BTRC: variants seen among roughly 807,000 people sequenced by gnomAD.
The protein encoded by BTRC is beta-transducin repeat containing E3 ubiquitin protein ligase.
Under a neutral mutation model 85.5 loss-of-function variants are expected in BTRC, and 42 were observed. The ratio of observed to expected loss-of-function variants is 0.49; its 90% CI spans 0.38 to 0.64. The LOEUF is 0.64. BTRC is among the 30% of genes least tolerant of loss of function. The pLI is 0.00. For missense variants in BTRC, 594 were observed against 743.5 expected (o/e 0.80, Z 2.34); for synonymous variants, 255 against 263.3 (o/e 0.97, Z 0.30).
intron 2 of BTRC, among the ~76,000 whole-genome samples, chr10:101,448,555 G>A (rs943613036): frequency 1.7e-4 from 26 of 152,114 alleles, no homozygotes; most frequent in Middle Eastern, 3.4e-3. Context: ...AAATCCTTAA[G>A]CCAATACTAC....
intron 1 of BTRC, among the ~76,000 whole-genome samples, chr10:101,356,143 C>T (rs1370526483): frequency 1.3e-5 from 2 of 152,204 alleles, no homozygotes; most frequent in Non-Finnish European, 2.9e-5. Flanking sequence ...GCTAGAACTA[C>T]AGGTGTGGGC....
intron 6 of BTRC, 57 bp from the exon 7 acceptor site, chr10:101,531,180 A>G: frequency 7.4e-7 from 1 of 1,349,826 alleles, no homozygotes; most frequent in Non-Finnish European, 1.0e-6. Context: ...CAAAATATAT[A>G]TGTATTTAAA....
At chr10:101,397,503 A>AT (rs1943393747) in intron 1 of BTRC, among the ~76,000 whole-genome samples, 1 of 152,196 alleles carries the variant, frequency 6.6e-6, no homozygotes, top group South Asian at 2.1e-4. Flanking sequence ...GTCCTTTCTA[A>AT]TTGTGTTTCA....
At chr10:101,401,466 C>CT (rs1564748928) in intron 1 of BTRC, among the ~76,000 whole-genome samples, 1 of 152,022 alleles carries the variant, frequency 6.6e-6, no homozygotes, top group Non-Finnish European at 1.5e-5. Context: ...TTAAAAGTGG[C>CT]TTTTTTGGTA....
chr10:101,440,223 TC>T (rs1218617664), intron 2 of BTRC, among the ~76,000 whole-genome samples: 1 of 152,168 alleles, frequency 6.6e-6, no homozygotes, highest in African/African-American at 2.4e-5. Flanking sequence ...TTAAATTACA[TC>T]TTTTTTTTCA....
intron 1 of BTRC, among the ~76,000 whole-genome samples, chr10:101,379,827 CAG>C (rs1396634055): frequency 1.3e-5 from 2 of 151,930 alleles, no homozygotes; most frequent in African/African-American, 4.8e-5. Context: ...AAAAAAGGGA[CAG>C]AAAATAAAAC....
intron 1 of BTRC, among the ~76,000 whole-genome samples, chr10:101,388,820 T>G (rs926795944): frequency 2.0e-5 from 3 of 152,222 alleles, no homozygotes; most frequent in African/African-American, 7.2e-5. Context: ...TGTTAAGAGA[T>G]AGTTGGATAT....
At chr10:101,420,631 C>T (rs2134052319) in intron 1 of BTRC, among the ~76,000 whole-genome samples, 1 of 152,184 alleles carries the variant, frequency 6.6e-6, no homozygotes, top group East Asian at 1.9e-4. Context: ...CTGGGTCCCC[C>T]TCCCAGCAGA....
chr10:101,414,542 T>C, intron 1 of BTRC: 1 of 438,476 alleles, frequency 2.3e-6, no homozygotes, highest in South Asian at 1.7e-5. Context: ...CTTCTACTTA[T>C]TAAAAAAAAT....
rs992214121 is a variant in BTRC at position 101,556,012 on chromosome 10, A to G, written c.*2889A>G. 6.6e-6 allele frequency: 1 copy of G among 152,204 alleles called. No homozygotes were observed. The highest frequency in any genetic ancestry group is 2.4e-5 in the African/African-American group (1 of 41,450). The allele number at this position is 152,204 out of a possible 1,614,324, so 9.4% of individuals were successfully genotyped here. A position where few individuals can be genotyped will look rare whatever the true frequency, so the allele number is the denominator to read the frequency against. On this transcript the variant is annotated 3_prime_UTR_variant, in exon 15 of 15. Coordinates refer to ENST00000370187, the MANE Select transcript of BTRC (RefSeq NM_033637.4). Reference sequence around the variant, plus strand: ...TTGGTGTGCAATTTGAAAGGATGTGAATCATGGATGGAAGGCCATTTGTAC... The same window carrying G: ...TTGGTGTGCAATTTGAAAGGATGTGGATCATGGATGGAAGGCCATTTGTAC...
chr10:101,463,755 C>T (rs547202099), intron 3 of BTRC, among the ~76,000 whole-genome samples: 1 of 152,236 alleles, frequency 6.6e-6, no homozygotes, highest in East Asian at 1.9e-4. Flanking sequence ...ATACTCAGAT[C>T]TCAGTGTTTC....
At chr10:101,463,119 C>T (rs1206273816) in intron 3 of BTRC, among the ~76,000 whole-genome samples, 2 of 151,742 alleles carry the variant, frequency 1.3e-5, no homozygotes, top group African/African-American at 4.8e-5. Flanking sequence ...GATCTTGGCT[C>T]ACCACAACCT....
At chr10:101,354,317 G>C in intron 1 of BTRC, 89 bp downstream of exon 1, 4 of 1,438,242 alleles carry the variant, frequency 2.8e-6, no homozygotes, top group Non-Finnish European at 3.8e-6. Flanking sequence ...GCGGGACCGG[G>C]CAGCGGGACC....
intron 1 of BTRC, among the ~76,000 whole-genome samples, chr10:101,405,266 C>T (rs924436106): frequency 2.4e-4 from 36 of 151,764 alleles, no homozygotes; most frequent in African/African-American, 8.2e-4. Context: ...AAAAAAAAAG[C>T]AATGAGGTTT....
chr10:101,518,829 A>T (rs1162676617), intron 4 of BTRC, among the ~76,000 whole-genome samples: 1 of 145,896 alleles, frequency 6.9e-6, no homozygotes, highest in Non-Finnish European at 1.5e-5. Context: ...CACCTTTTTC[A>T]GGAAATGATC....
At chr10:101,375,151 G>T (rs541759628) in intron 1 of BTRC, among the ~76,000 whole-genome samples, 4 of 152,206 alleles carry the variant, frequency 2.6e-5, no homozygotes, top group Admixed American at 6.5e-5. Context: ...AGTGTTGGAG[G>T]TGGGGCCTGG....
chr10:101,532,782 G>A (rs45568639), intron 8 of BTRC, among the ~76,000 whole-genome samples, 170 bp from the exon 9 acceptor site: 7 of 70,548 alleles, frequency 9.9e-5, no homozygotes, highest in African/African-American at 8.7e-4. Context: ...GTGTGTGTGT[G>A]TGTGTGTGCG....
chr10:101,526,189 C>A lies in BTRC; in HGVS notation c.733C>A (p.Arg245=). Reference sequence around the variant, plus strand: ...TTCTCTGTGGAGAGGCCTGGCAGAACGAAGAGGATGGTGAGCCTTTAACTT... The same window carrying A: ...TTCTCTGTGGAGAGGCCTGGCAGAAAGAAGAGGATGGTGAGCCTTTAACTT... ...TDSLWRGLAE[R]RGWGQYLFKN... Residue 245 remains arginine (R), a synonymous_variant, in exon 6 of 15, where the codon CGA becomes AGA. Transcript: ENST00000370187. 1.2e-6 allele frequency: 2 copies of A among 1,613,782 alleles called. No individual in the cohort carries two copies. Among genetic ancestry groups the A allele is most frequent in the Non-Finnish European group, 1.7e-6 (2 of 1,179,792 alleles).
At chr10:101,445,262 C>T (rs1049097557) in intron 2 of BTRC, among the ~76,000 whole-genome samples, 1 of 152,144 alleles carries the variant, frequency 6.6e-6, no homozygotes, top group Non-Finnish European at 1.5e-5. Flanking sequence ...GGAGTATCAG[C>T]TCTCAAATAT....
Sources: allele counts gnomAD v4.1 joint callset (sites outside exome capture counted in the v4.1 genomes callset), GRCh38; gene constraint gnomAD v4.1.1; transcripts MANE v1.5; gene names NCBI Gene and HGNC (gene_info 2026-07-23, HGNC 2026-07-21).